Variants in PCNX2 observed in about 807,000 individuals in gnomAD.
The protein encoded by PCNX2 is pecanex 2, also known as pecanex-like protein 2.
PCNX2 carries 168 observed loss-of-function variants against 223.8 expected under a neutral mutation model. That is an observed-to-expected ratio of 0.75 (90% CI 0.66 to 0.85). The LOEUF (loss-of-function observed/expected upper bound fraction) is 0.85. Among genes scored for constraint, PCNX2 ranks in the 40% least tolerant of loss-of-function variants. The pLI is 0.00. For missense variants in PCNX2, 2,507 were observed against 2,675.5 expected, an observed-to-expected ratio of 0.94 and a Z score of 1.39; for synonymous variants, 1,006 against 1,052.6, an observed-to-expected ratio of 0.96 and a Z score of 0.86.
the PCNX2 span, among the ~76,000 whole-genome samples, chr1:233,320,670 T>C: frequency 1.3e-5 from 2 of 152,220 alleles, no homozygotes; most frequent in Non-Finnish European, 2.9e-5. Flanking sequence ...TTAATGAACT[T>C]TTCTTTAATA....
chr1:233,295,004 T>A lies in PCNX2; in HGVS notation c.153+322A>T, dbSNP rs1203212147. 6.6e-6 allele frequency among the ~76,000 whole-genome samples: 1 copy of A among 152,136 alleles called. No individual in the cohort carries two copies. Among genetic ancestry groups the A allele is most frequent in the African/African-American group, 2.4e-5 (1 of 41,420 alleles). The stretch of plus-strand genomic sequence containing the variant: ...AACATTATCCCAAGCTACCCAGCTC[T>A]AAGGCCTAGAGTTACCCACCTACAA... On this transcript the variant is annotated intron_variant, in intron 1 of 33. Coordinates refer to ENST00000258229, the MANE Select transcript of PCNX2 (RefSeq NM_014801.4). This position sits in a 1 kb window ranked among gnomAD's most constrained non-coding sequence, Gnocchi z 4.1.
rs181376700 is a variant in PCNX2, at chr1:233,201,485, T to C, written c.2864-1221A>G. ...AATAGAAATTTAATTACAGAACATA[T>C]AGTCATGAGCATAGAAATTTTAATC... On this transcript the variant is annotated intron_variant, in intron 13 of 33. Transcript: ENST00000258229. 30 of 152,298 alleles carry C rather than the reference T, an allele frequency of 2.0e-4. No individual in the cohort carries two copies. The East Asian group carries it at 5.6e-3, about 28-fold the overall frequency. 9.4% of individuals were successfully genotyped at this position (152,298 alleles called of 1,614,324 possible). A position where few individuals can be genotyped will look rare whatever the true frequency, so the allele number is the denominator to read the frequency against.
intron 19 of PCNX2, among the ~76,000 whole-genome samples, chr1:233,149,296 T>G (rs1177336523): frequency 1.3e-5 from 2 of 152,198 alleles, no homozygotes; most frequent in African/African-American, 4.8e-5. Flanking sequence ...TTAGACTCTT[T>G]ATGCTACTAA....
intron 8 of PCNX2, among the ~76,000 whole-genome samples, chr1:233,243,785 G>A (rs1658926746): frequency 1.3e-5 from 2 of 152,090 alleles, no homozygotes; most frequent in Admixed American, 6.5e-5. Flanking sequence ...ACCCTCTATG[G>A]CAGGCACTGT....
chr1:232,992,452 AGATG>A (rs1669735606), intron 32 of PCNX2, among the ~76,000 whole-genome samples: 1 of 152,218 alleles, frequency 6.6e-6, no homozygotes, highest in Non-Finnish European at 1.5e-5. Context: ...CCAGCTGCAC[AGATG>A]GAGGGCAGGA....
At chr1:233,018,121 C>T (rs989249411) in intron 26 of PCNX2, among the ~76,000 whole-genome samples, 7 of 152,150 alleles carry the variant, frequency 4.6e-5, no homozygotes, top group African/African-American at 1.7e-4. Context: ...CTCCTGGGCT[C>T]AAGCGATCCT....
chr1:233,222,834 G>A (rs936129639), intron 10 of PCNX2, among the ~76,000 whole-genome samples: 1 of 152,222 alleles, frequency 6.6e-6, no homozygotes, highest in South Asian at 2.1e-4. Context: ...AGGCTTGGGT[G>A]AGGCTGAGAT....
At chr1:233,049,713 A>G (rs1406341993) in intron 25 of PCNX2, among the ~76,000 whole-genome samples, 18 of 152,220 alleles carry the variant, frequency 1.2e-4, no homozygotes, top group Non-Finnish European at 1.5e-5. Flanking sequence ...GAACCCTTAA[A>G]GACTCTGCCA....
chr1:233,291,628 A>AAGT, intron 1 of PCNX2: 1 of 874,052 alleles, frequency 1.1e-6, no homozygotes. Context: ...AAAAAAAAAA[A>AAGT]GAGGAAGAAT....
chr1:233,048,714 C>T (rs537814306), intron 25 of PCNX2, among the ~76,000 whole-genome samples: 1 of 152,014 alleles, frequency 6.6e-6, no homozygotes, highest in East Asian at 1.9e-4. Flanking sequence ...GTCAACAAAA[C>T]CAAAAGTTGA....
At chr1:233,247,957 C>T (rs1180436156) in intron 8 of PCNX2, among the ~76,000 whole-genome samples, 1 of 150,328 alleles carries the variant, frequency 6.7e-6, no homozygotes, top group African/African-American at 2.4e-5. Flanking sequence ...TTAAGACCAA[C>T]ACCCTGTCAA....
At chr1:233,155,273 C>T (rs1365352104) in intron 19 of PCNX2, among the ~76,000 whole-genome samples, 1 of 152,068 alleles carries the variant, frequency 6.6e-6, no homozygotes, top group Non-Finnish European at 1.5e-5. Context: ...CTTTGTCTTT[C>T]CTGCAGGGCG....
At chr1:232,999,893 CT>C (rs1315302567) in intron 30 of PCNX2, among the ~76,000 whole-genome samples, 1 of 152,184 alleles carries the variant, frequency 6.6e-6, no homozygotes, top group Non-Finnish European at 1.5e-5. Flanking sequence ...TTTGTTTTCA[CT>C]TAGTGATTTG....
intron 23 of PCNX2, among the ~76,000 whole-genome samples, chr1:233,083,355 G>A (rs1424111306): frequency 6.6e-5 from 10 of 152,226 alleles, no homozygotes; most frequent in Admixed American, 6.5e-4. Flanking sequence ...GTAGGACTCA[G>A]CGTCTTGATG....
At chr1:232,999,563 C>G (rs959276495) in intron 30 of PCNX2, 184 bp from the exon 31 acceptor site, 1 of 634,250 alleles carries the variant, frequency 1.6e-6, no homozygotes, top group Non-Finnish European at 2.6e-6. Context: ...AAGCAATTCT[C>G]TTGCCTCAGC....
chr1:233,055,101 T>C (rs1672145768), intron 24 of PCNX2, among the ~76,000 whole-genome samples: 1 of 152,182 alleles, frequency 6.6e-6, no homozygotes, highest in Non-Finnish European at 1.5e-5. Flanking sequence ...CCAGTTTTGG[T>C]GATTATGGGT....
chr1:233,206,002 T>C (rs1681428996), intron 13 of PCNX2, among the ~76,000 whole-genome samples: 1 of 152,036 alleles, frequency 6.6e-6, no homozygotes, highest in African/African-American at 2.4e-5. Flanking sequence ...TGAGCCAGCA[T>C]AATGAAGGAC....
At chr1:233,209,180 C>T (rs1681682897) in intron 12 of PCNX2, among the ~76,000 whole-genome samples, 1 of 152,126 alleles carries the variant, frequency 6.6e-6, no homozygotes, top group South Asian at 2.1e-4. Flanking sequence ...TGAAGTTATA[C>T]CTGCAGAGAT....
intron 10 of PCNX2, among the ~76,000 whole-genome samples, chr1:233,225,264 G>GTAA (rs1289756670): frequency 6.0e-5 from 9 of 151,252 alleles, no homozygotes; most frequent in African/African-American, 1.5e-4. Flanking sequence ...CACATTCCAA[G>GTAA]TAATAATAAT....
Sources: gnomAD v4.1 joint callset for allele counts (sites outside exome capture counted in the v4.1 genomes callset) on GRCh38, gnomAD v4.1.1 for gene constraint, Gnocchi (gnomAD v3.1) non-coding constraint, MANE v1.5 for transcripts, NCBI Gene and HGNC (gene_info 2026-07-23, HGNC 2026-07-21) for gene names.